The following GPATCH2 variants were observed in gnomAD, a reference collection of about 807,000 sequenced individuals.
GPATCH2 encodes the protein G patch domain-containing protein 2.
Under a neutral mutation model 58.0 loss-of-function variants are expected in GPATCH2, and 51 were observed. That is an observed-to-expected ratio of 0.88 (90% CI 0.70 to 1.11). The LOEUF (loss-of-function observed/expected upper bound fraction) is 1.11, where lower values mean the gene tolerates loss of function less well. Ranked by LOEUF, GPATCH2 falls within the 50% of genes most tolerant of loss-of-function variation. The pLI is 0.00. For missense variants in GPATCH2, 625 were observed against 652.2 expected (o/e 0.96, Z 0.45); for synonymous variants, 222 against 218.5 (o/e 1.02, Z -0.14).
chr1:217,515,693 G>A (rs1455800417), intron 5 of GPATCH2, among the ~76,000 whole-genome samples: 7 of 150,572 alleles, frequency 4.6e-5, no homozygotes, highest in Non-Finnish European at 8.8e-5. Context: ...GGGTGACAGA[G>A]CAAGACTCTG....
intron 1 of GPATCH2, among the ~76,000 whole-genome samples, chr1:217,629,423 T>C (rs1307175995): frequency 1.3e-5 from 2 of 152,168 alleles, no homozygotes; most frequent in East Asian, 3.8e-4. Flanking sequence ...AGGAGGTTTC[T>C]CTCAGTACCT....
intron 8 of GPATCH2, among the ~76,000 whole-genome samples, chr1:217,466,682 A>G (rs1660466910): frequency 6.6e-6 from 1 of 152,176 alleles, no homozygotes; most frequent in Non-Finnish European, 1.5e-5. Flanking sequence ...AAAGGAAGGG[A>G]GAGGGCCTGA....
intron 5 of GPATCH2, among the ~76,000 whole-genome samples, chr1:217,595,877 G>A (rs1263311032): frequency 6.6e-6 from 1 of 151,956 alleles, no homozygotes; most frequent in East Asian, 1.9e-4. Context: ...GTGCTCCTTA[G>A]AAAACATTAA....
At chr1:217,464,525 G>A (rs1179991567) in intron 8 of GPATCH2, among the ~76,000 whole-genome samples, 5 of 152,300 alleles carry the variant, frequency 3.3e-5, no homozygotes, top group African/African-American at 9.6e-5. Context: ...TAGTTCTGTG[G>A]TGTTGAATTA....
At chr1:217,561,191 T>A (rs1286451222) in intron 5 of GPATCH2, among the ~76,000 whole-genome samples, 1 of 152,228 alleles carries the variant, frequency 6.6e-6, no homozygotes, top group Admixed American at 6.5e-5. Flanking sequence ...GCAATACACT[T>A]GGTTTTTCCT....
At chr1:217,522,717 C>A (rs1207727983) in intron 5 of GPATCH2, among the ~76,000 whole-genome samples, 1 of 148,858 alleles carries the variant, frequency 6.7e-6, no homozygotes, top group African/African-American at 2.6e-5. Context: ...TATATATCTT[C>A]TAAAATTCTA....
At chr1:217,452,504 GC>G (rs1163408262) in intron 8 of GPATCH2, among the ~76,000 whole-genome samples, 2 of 152,002 alleles carry the variant, frequency 1.3e-5, no homozygotes, top group Non-Finnish European at 2.9e-5. Context: ...CTTTGTTTTT[GC>G]ACTAGTTATA....
intron 6 of GPATCH2, among the ~76,000 whole-genome samples, chr1:217,508,525 A>G (rs942235937): frequency 2.6e-5 from 4 of 152,158 alleles, no homozygotes; most frequent in Non-Finnish European, 4.4e-5. Context: ...ATTTATCTCT[A>G]TTTAAAAGCA....
chr1:217,463,641 C>CAAAAA lies in GPATCH2; in HGVS notation c.1278-14309_1278-14305dup, dbSNP rs201402598. Among the ~76,000 whole-genome samples, 342 of 82,394 alleles carry CAAAAA rather than the reference C, an allele frequency of 4.2e-3. 27 individuals are homozygous for CAAAAA. Among genetic ancestry groups the CAAAAA allele is most frequent in the Middle Eastern group, 6.4e-3 (1 of 156 alleles). The allele number at this position is 82,394 out of a possible 152,430, so 54.1% of individuals were successfully genotyped here. Reference sequence around the variant, plus strand: ...GCAACATAGCAAGAACTTATCACTCCAAAAAAAAAAAAAAAAAAAAAAAAA... The same window carrying CAAAAA: ...GCAACATAGCAAGAACTTATCACTCCAAAAAAAAAAAAAAAAAAAAAAAAAAAAAA... On this transcript the variant is annotated intron_variant, in intron 8 of 9. Coordinates refer to ENST00000366935, the MANE Select transcript of GPATCH2 (RefSeq NM_018040.5).
intron 1 of GPATCH2, among the ~76,000 whole-genome samples, chr1:217,630,547 G>C (rs1669701740): frequency 6.6e-6 from 1 of 152,064 alleles, no homozygotes; most frequent in Non-Finnish European, 1.5e-5. Context: ...AAAAGACTTG[G>C]TATAATCTGG....
chr1:217,505,264 A>C (rs1004003244), intron 6 of GPATCH2, among the ~76,000 whole-genome samples: 2 of 152,238 alleles, frequency 1.3e-5, no homozygotes, highest in African/African-American at 4.8e-5. Flanking sequence ...TCCTCACCGC[A>C]GCACTGCTGA....
chr1:217,456,452 G>T (rs1659947601), intron 8 of GPATCH2, among the ~76,000 whole-genome samples: 1 of 152,128 alleles, frequency 6.6e-6, no homozygotes, highest in South Asian at 2.1e-4. Flanking sequence ...GTGTCAGAAG[G>T]CTTCTGAAGG....
intron 5 of GPATCH2, among the ~76,000 whole-genome samples, chr1:217,548,777 TTCCCCTGCTGGCAC>T (rs1044634052): frequency 1.3e-5 from 2 of 152,090 alleles, no homozygotes. Context: ...CATCTGGCAT[TTCCCCTGCTGGCAC>T]TCATTCTCTC....
At chr1:217,474,948 A>T (rs1478044582) in intron 8 of GPATCH2, among the ~76,000 whole-genome samples, 1 of 152,196 alleles carries the variant, frequency 6.6e-6, no homozygotes, top group Admixed American at 6.5e-5. Context: ...GCATATAAAT[A>T]AAAAAGGTGA....
intron 1 of GPATCH2, among the ~76,000 whole-genome samples, chr1:217,627,368 G>T (rs1466092769): frequency 6.6e-6 from 1 of 151,858 alleles, no homozygotes; most frequent in Non-Finnish European, 1.5e-5. Context: ...TCGGGAAAAG[G>T]AAGGCTAGCA....
intron 5 of GPATCH2, among the ~76,000 whole-genome samples, chr1:217,546,914 C>G (rs1381104274): frequency 1.5e-4 from 23 of 152,020 alleles, no homozygotes; most frequent in Non-Finnish European, 1.5e-5. Context: ...CCAAACAACC[C>G]CATTAAGAAG....
intron 5 of GPATCH2, among the ~76,000 whole-genome samples, chr1:217,540,949 A>G (rs558883306): frequency 6.6e-6 from 1 of 152,206 alleles, no homozygotes; most frequent in Non-Finnish European, 1.5e-5. Context: ...TTTTCTGGAG[A>G]CTCAATGAGA....
chr1:217,559,976 G>A (rs1665840442), intron 5 of GPATCH2, among the ~76,000 whole-genome samples: 1 of 152,106 alleles, frequency 6.6e-6, no homozygotes, highest in East Asian at 1.9e-4. Flanking sequence ...AGCCTCCCAA[G>A]TAGCTGGGAG....
At chr1:217,628,799 T>C (rs1194721046) in intron 1 of GPATCH2, among the ~76,000 whole-genome samples, 1 of 151,870 alleles carries the variant, frequency 6.6e-6, no homozygotes, top group Non-Finnish European at 1.5e-5. Flanking sequence ...AAAGTCAAGA[T>C]GGGAGCTAAA....
Sources: allele counts gnomAD v4.1 joint callset (sites outside exome capture counted in the v4.1 genomes callset), GRCh38; gene constraint gnomAD v4.1.1; transcripts MANE v1.5; gene names NCBI Gene and HGNC (gene_info 2026-07-23, HGNC 2026-07-21).